KPNA1: variants seen among roughly 807,000 people sequenced by gnomAD.
The protein encoded by KPNA1 is karyopherin subunit alpha 1.
Under a neutral mutation model 70.5 loss-of-function variants are expected in KPNA1, and 10 were observed. The ratio of observed to expected loss-of-function variants is 0.14; its 90% confidence interval spans 0.09 to 0.24. The LOEUF (loss-of-function observed/expected upper bound fraction) is 0.24, where lower values mean the gene tolerates loss of function less well. Among genes scored for constraint, KPNA1 ranks in the 10% least tolerant of loss-of-function variants. The pLI, the probability that KPNA1 is intolerant of heterozygous loss-of-function variation, is 1.00. For missense variants in KPNA1, 397 were observed against 637.9 expected, an observed-to-expected ratio of 0.62 and a Z score of 4.07; for synonymous variants, 192 against 221.9, an observed-to-expected ratio of 0.87 and a Z score of 1.20.
intron 2 of KPNA1, among the ~76,000 whole-genome samples, chr3:122,493,076 T>C (rs189059925): frequency 1.9e-4 from 29 of 152,352 alleles, no homozygotes; most frequent in Admixed American, 1.6e-3. Context: ...CTTAAAATAG[T>C]ACCTGACATA....
intron 9 of KPNA1, among the ~76,000 whole-genome samples, chr3:122,445,273 G>A (rs2076122255): frequency 6.6e-6 from 1 of 152,160 alleles, no homozygotes. Context: ...AGCTTCAATA[G>A]CCGATTCAAT....
At chr3:122,465,145 T>C (rs2076366324) in intron 3 of KPNA1, among the ~76,000 whole-genome samples, 1 of 152,236 alleles carries the variant, frequency 6.6e-6, no homozygotes, top group Admixed American at 6.5e-5. Flanking sequence ...AATATTTAAG[T>C]CACAGGCTAT....
intron 12 of KPNA1, among the ~76,000 whole-genome samples, chr3:122,432,229 A>T (rs1381428166): frequency 6.6e-6 from 1 of 152,236 alleles, no homozygotes; most frequent in East Asian, 1.9e-4. Context: ...CCATCTGGTG[A>T]CAGCATAATT....
rs1313852327 is a variant in KPNA1, at chr3:122,427,671, G to A, written c.1296C>T (p.Leu432=). ...LGCIKPLCDL[L]TVMDSKIVQV... is the part of the protein sequence containing the mutation. Reference sequence around the variant, plus strand: ...GTACAATCTTAGAGTCCATGACCGTGAGGAGATCACAGAGCGGCTTGATAC... The same window carrying A: ...GTACAATCTTAGAGTCCATGACCGTAAGGAGATCACAGAGCGGCTTGATAC... The change falls in exon 13 of 14, where the codon CTC becomes CTT. Residue 432 remains leucine (L), a synonymous_variant. Coordinates refer to ENST00000344337, the MANE Select transcript of KPNA1 (RefSeq NM_002264.4). 1.2e-6 allele frequency: 2 copies of A among 1,613,448 alleles called. No homozygotes were observed. Among genetic ancestry groups the A allele is most frequent in the African/African-American group, 2.7e-5 (2 of 75,038 alleles).
At chr3:122,439,921 GA>G (rs1304810858) in intron 10 of KPNA1, among the ~76,000 whole-genome samples, 3 of 152,054 alleles carry the variant, frequency 2.0e-5, no homozygotes, top group African/African-American at 7.2e-5. Context: ...CCTGAAATAG[GA>G]AAAATAAAAA....
chr3:122,453,436 A>G (rs2076232837), intron 6 of KPNA1, among the ~76,000 whole-genome samples: 2 of 152,038 alleles, frequency 1.3e-5, no homozygotes, highest in South Asian at 4.1e-4. Context: ...TTTCTAGAAC[A>G]CTCCTTTGTG....
chr3:122,499,242 A>G (rs1559758345), intron 1 of KPNA1, among the ~76,000 whole-genome samples: 2 of 152,236 alleles, frequency 1.3e-5, no homozygotes, highest in Admixed American at 1.3e-4. Context: ...ATAGAAATAG[A>G]GCAGACACCC....
chr3:122,428,328 CAAGTT>C (rs1242421462), intron 12 of KPNA1, among the ~76,000 whole-genome samples: 1 of 152,176 alleles, frequency 6.6e-6, no homozygotes, highest in East Asian at 1.9e-4. Flanking sequence ...TCTGGTTTCT[CAAGTT>C]GAGTACAGAG....
At chr3:122,449,783 C>T (rs368844444) in intron 8 of KPNA1, 46 bp from the exon 9 acceptor site, 207 of 1,535,734 alleles carry the variant, frequency 1.3e-4, no homozygotes, top group Admixed American at 1.8e-4. Context: ...GACTAAAAGC[C>T]AGAAGTGAGG....
chr3:122,460,086 A>G, intron 5 of KPNA1: 1 of 985,422 alleles, frequency 1.0e-6, no homozygotes, highest in Non-Finnish European at 1.2e-6. Flanking sequence ...TTTGTGATCA[A>G]CTTGGTACCT....
chr3:122,451,176 G>A (rs369806701), intron 8 of KPNA1, among the ~76,000 whole-genome samples: 2 of 151,868 alleles, frequency 1.3e-5, no homozygotes, highest in East Asian at 3.9e-4. Context: ...GACTCCCAGA[G>A]AACTCACAGA....
At chr3:122,440,635 TC>T (rs2076050121) in intron 10 of KPNA1, among the ~76,000 whole-genome samples, 1 of 152,222 alleles carries the variant, frequency 6.6e-6, no homozygotes, top group Admixed American at 6.5e-5. Context: ...CATTTTCAGT[TC>T]CCTGTATATC....
At chr3:122,469,061 A>G (rs541583203) in intron 2 of KPNA1, among the ~76,000 whole-genome samples, 2 of 152,354 alleles carry the variant, frequency 1.3e-5, no homozygotes, top group African/African-American at 4.8e-5. Flanking sequence ...CCCCCAAATT[A>G]GTATCAGACA....
chr3:122,457,392 G>A (rs890919698), intron 5 of KPNA1, among the ~76,000 whole-genome samples: 2 of 84,002 alleles, frequency 2.4e-5, no homozygotes, highest in East Asian at 1.1e-3. Flanking sequence ...TCATTAACCT[G>A]GGAAAAAAAA....
chr3:122,500,189 T>G (rs1284498156), intron 1 of KPNA1, among the ~76,000 whole-genome samples: 2 of 152,112 alleles, frequency 1.3e-5, no homozygotes, highest in East Asian at 3.9e-4. Context: ...TGGCGTAATC[T>G]CGGCTCACTG....
chr3:122,456,994 T>C (rs1004898671), intron 5 of KPNA1, among the ~76,000 whole-genome samples: 18 of 152,238 alleles, frequency 1.2e-4, no homozygotes, highest in African/African-American at 4.1e-4. Context: ...CATCTATACA[T>C]GTGTGATATG....
intron 2 of KPNA1, among the ~76,000 whole-genome samples, chr3:122,481,461 C>T (rs1250748299): frequency 6.6e-6 from 1 of 152,094 alleles, no homozygotes; most frequent in Non-Finnish European, 1.5e-5. Context: ...TATGAAATGT[C>T]CAGAATAGGC....
intron 10 of KPNA1, among the ~76,000 whole-genome samples, chr3:122,440,930 A>G (rs534986061): frequency 1.3e-5 from 2 of 152,362 alleles, no homozygotes; most frequent in South Asian, 2.1e-4. Context: ...AAGTAAATAC[A>G]TTACAGTTAG....
chr3:122,494,813 G>A (rs1276497600), intron 2 of KPNA1, among the ~76,000 whole-genome samples: 1 of 152,178 alleles, frequency 6.6e-6, no homozygotes, highest in Non-Finnish European at 1.5e-5. Context: ...TAATCAAAGA[G>A]TGCCACTGCT....
Sources: gnomAD v4.1 joint callset for allele counts (sites outside exome capture counted in the v4.1 genomes callset) on GRCh38, gnomAD v4.1.1 for gene constraint, MANE v1.5 for transcripts, NCBI Gene and HGNC (gene_info 2026-07-23, HGNC 2026-07-21) for gene names.